Variants in ZFPL1 observed in about 807,000 individuals in gnomAD.
The protein encoded by ZFPL1 is zinc finger protein-like 1.
Under a neutral mutation model 32.0 loss-of-function variants are expected in ZFPL1, and 28 were observed. The observed-to-expected ratio is 0.87, with a 90% CI of 0.65 to 1.20. ZFPL1 has a LOEUF of 1.20. ZFPL1 is among the 50% of genes most tolerant of loss of function. The pLI is 0.00. For synonymous variants in ZFPL1, 165 were observed against 177.0 expected (o/e 0.93, Z 0.54); for missense variants, 386 against 424.8 (o/e 0.91, Z 0.80).
chr11:65,084,500 T>G, intron 1 of ZFPL1, 122 bp downstream of exon 1: 18 of 588,012 alleles, frequency 3.1e-5, no homozygotes, highest in East Asian at 5.9e-5. Flanking sequence ...TCCAGAAGGA[T>G]TGAGGGGTCG....
chr11:65,084,648 C>G, intron 1 of ZFPL1, 43 bp from the exon 2 acceptor site: 1 of 1,560,564 alleles, frequency 6.4e-7, no homozygotes, highest in Non-Finnish European at 8.8e-7. Context: ...GTAGTGGTGG[C>G]CACCAGAACC....
In ZFPL1 at chr11:65,088,377, A is replaced by G. The variant is rs1357548064; in HGVS notation, c.*263A>G. The G allele has an allele frequency of 2.1e-6, 3 of 1,433,986 alleles. No individual in the cohort carries two copies. Among genetic ancestry groups the G allele is most frequent in the Non-Finnish European group, 2.8e-6 (3 of 1,053,902 alleles). 88.8% of individuals were successfully genotyped at this position (1,433,986 alleles called of 1,614,324 possible). ...CCCATGAAGGAGCTGGCAGGTGGAAATAAACAACAACTTTATTAAAACACC... is the reference window on the plus strand; with the variant it reads ...CCCATGAAGGAGCTGGCAGGTGGAAGTAAACAACAACTTTATTAAAACACC... On this transcript the variant is annotated 3_prime_UTR_variant, in exon 8 of 8. Transcript: ENST00000294258.
intron 3 of ZFPL1, 118 bp from the exon 4 acceptor site, chr11:65,086,297 C>A (rs982514814): frequency 1.7e-5 from 22 of 1,324,098 alleles, no homozygotes; most frequent in Non-Finnish European, 2.3e-5. Flanking sequence ...GAGGAGAAGG[C>A]TCTGGCACAC....
At chr11:65,085,413 C>T (rs988183946) in intron 3 of ZFPL1, 187 bp downstream of exon 3, 1 of 611,604 alleles carries the variant, frequency 1.6e-6, no homozygotes. Flanking sequence ...CTAGGCCTCA[C>T]TGTCTTTCCT....
In ZFPL1 at chr11:65,086,792, G is replaced by T. The variant is rs1462216383; in HGVS notation, c.481G>T (p.Ala161Ser). ...SDFSDWSSFNASSTPGPEEVD... is the reference protein window; with the variant it reads ...SDFSDWSSFNSSSTPGPEEVD... ...CTTCTCTGACTGGTCTAGTTTTAAT[G>T]GTAAGTGGTGGCTTCCACCGACTGT... Residue 161 changes from alanine to serine, a missense_variant and splice_region_variant, in exon 5 of 8, where the codon GCC becomes TCC. Physicochemically the swap from Ala to Ser is moderately conservative, Grantham distance 99 (BLOSUM62 1). Transcript: ENST00000294258. 1.2e-6 allele frequency: 2 copies of T among 1,614,054 alleles called. No individual in the cohort carries two copies. The highest frequency in any genetic ancestry group is 2.2e-5 in the East Asian group (1 of 44,906).
Position 65,086,382 on chromosome 11 carries a change from A to G in ZFPL1, c.215-33A>G, listed in dbSNP as rs770758130. ...AGGAGCCCTAAGTGTCTTCTTCCTC[A>G]TGTCTCTTCTCCCCTGTCTCATGGG... is the stretch of plus-strand genomic sequence containing the variant. On this transcript the variant is annotated intron_variant, in intron 3 of 7. Transcript: ENST00000294258. 5 of 1,613,510 alleles carry G rather than the reference A, an allele frequency of 3.1e-6. 1 individual carries two copies. In the South Asian group the frequency reaches 3.3e-5, roughly 11 times the overall value.
chr11:65,085,978 T>TCGG, intron 3 of ZFPL1: 1 of 242,134 alleles, frequency 4.1e-6, no homozygotes, highest in Non-Finnish European at 8.2e-6. Flanking sequence ...AGTGTAGATA[T>TCGG]AGGGAATGCC....
chr11:65,085,609 G>C, intron 3 of ZFPL1: 2 of 274,348 alleles, frequency 7.3e-6, no homozygotes, highest in South Asian at 8.0e-5. Flanking sequence ...GAGGAAGTGA[G>C]TTTCCCACAT....
Position 65,088,262 on chromosome 11 carries a change from A to C in ZFPL1, c.*148A>C. Reference sequence around the variant, plus strand: ...CCAGACCCAAAGCCAAGTCCACCAGAGTGGCTGCAGGCCAGGCCTGGAGTC... The same window carrying C: ...CCAGACCCAAAGCCAAGTCCACCAGCGTGGCTGCAGGCCAGGCCTGGAGTC... On this transcript the variant is annotated 3_prime_UTR_variant, in exon 8 of 8. Transcript: ENST00000294258. 1 of 1,163,408 alleles carries C rather than the reference A, an allele frequency of 8.6e-7. No homozygotes were observed. Among genetic ancestry groups the C allele is most frequent in the Non-Finnish European group, 1.2e-6 (1 of 826,324 alleles). The allele number at this position is 1,163,408 out of a possible 1,614,324, so 72.1% of individuals were successfully genotyped here.
chr11:65,088,226 A>G lies in ZFPL1; in HGVS notation c.*112A>G. 1 of 1,372,666 alleles carries G rather than the reference A, an allele frequency of 7.3e-7. No homozygotes were observed. Among genetic ancestry groups the G allele is most frequent in the South Asian group, 1.2e-5 (1 of 80,116 alleles). The allele number at this position is 1,372,666 out of a possible 1,614,324, so 85.0% of individuals were successfully genotyped here. A position where few individuals can be genotyped will look rare whatever the true frequency, so the allele number is the denominator to read the frequency against. Reference sequence around the variant, plus strand: ...ACTGCCCCTCTCCCTCAAGCCTAAGACACTAAGACCCCAGACCCAAAGCCA... The same window carrying G: ...ACTGCCCCTCTCCCTCAAGCCTAAGGCACTAAGACCCCAGACCCAAAGCCA... On this transcript the variant is annotated 3_prime_UTR_variant, in exon 8 of 8. Transcript: ENST00000294258.
intron 3 of ZFPL1, 101 bp from the exon 4 acceptor site, chr11:65,086,314 G>A: frequency 7.0e-7 from 1 of 1,433,792 alleles, no homozygotes; most frequent in Non-Finnish European, 9.7e-7. Context: ...ACACACACAT[G>A]TGTCCATATG....
rs1947686878 is a variant in ZFPL1, at chr11:65,087,052, C to T, written c.606C>T (p.Gly202=). Residue 202 remains glycine, a synonymous_variant, in exon 6 of 8, where the codon GGC becomes GGT. Coordinates refer to ENST00000294258, the MANE Select transcript of ZFPL1 (RefSeq NM_006782.4). ...AGCAGCACACAGTGATCCACATGGG[C>T]AATCCTGAGCCCTTGACTCACGGTG... ...RPEQHTVIHM[G]NPEPLTHAPR... 16 of 1,613,524 alleles carry T rather than the reference C, an allele frequency of 9.9e-6. No homozygotes were observed. The East Asian group carries it at 3.3e-4, about 34-fold the overall frequency.
In ZFPL1 at chr11:65,088,280, C is replaced by A; in HGVS notation, c.*166C>A. On this transcript the variant is annotated 3_prime_UTR_variant, in exon 8 of 8. Coordinates refer to ENST00000294258, the MANE Select transcript of ZFPL1 (RefSeq NM_006782.4). ...CCACCAGAGTGGCTGCAGGCCAGGC[C>A]TGGAGTCCCCGTGGGTCAAGCATTT... 1 of 1,107,734 alleles carries A rather than the reference C, an allele frequency of 9.0e-7. No homozygotes were observed. The highest frequency in any genetic ancestry group is 1.3e-6 in the Non-Finnish European group (1 of 772,448). The allele number at this position is 1,107,734 out of a possible 1,614,324, so 68.6% of individuals were successfully genotyped here. A position where few individuals can be genotyped will look rare whatever the true frequency, so the allele number is the denominator to read the frequency against.
chr11:65,085,029 T>C, intron 2 of ZFPL1, 86 bp from the exon 3 acceptor site: 1 of 1,328,726 alleles, frequency 7.5e-7, no homozygotes, highest in East Asian at 2.3e-5. Context: ...GTCTCCTCTG[T>C]GGCTAGAGAA....
intron 1 of ZFPL1, 35 bp from the exon 2 acceptor site, chr11:65,084,656 A>C: frequency 6.3e-7 from 1 of 1,598,164 alleles, no homozygotes; most frequent in Non-Finnish European, 8.6e-7. Context: ...GGCCACCAGA[A>C]CCTGACTTCC....
chr11:65,086,152 T>G (rs973182694), intron 3 of ZFPL1: 6 of 563,378 alleles, frequency 1.1e-5, no homozygotes, highest in Non-Finnish European at 1.9e-5. Flanking sequence ...AGAGGACTCA[T>G]TGAAAGGACT....
intron 6 of ZFPL1, 118 bp downstream of exon 6, chr11:65,087,192 A>G: frequency 6.5e-7 from 1 of 1,549,480 alleles, no homozygotes; most frequent in Non-Finnish European, 8.8e-7. Context: ...ATCCAGGCAC[A>G]GCCATTACCT....
At position 65,084,807 on chromosome 11, in the gene ZFPL1, C is replaced by T; in HGVS notation, c.102+7C>T. 1 of 1,614,010 alleles carries T rather than the reference C, an allele frequency of 6.2e-7. No homozygotes were observed. On this transcript the variant is annotated splice_region_variant and intron_variant, in intron 2 of 7. Transcript: ENST00000294258. ...GGTAGCCAATCACGCCAAGGTGGGG[C>T]CTTCAGGGGAGCGACTGAGCAGGGC... is the stretch of plus-strand genomic sequence containing the variant.
Position 65,084,239 on chromosome 11 carries a change from G to A in ZFPL1, c.-148G>A, listed in dbSNP as rs912691021. The A allele has an allele frequency of 1.4e-5, 8 of 579,702 alleles. No individual in the cohort carries two copies. The highest frequency in any genetic ancestry group is 2.1e-5 in the Non-Finnish European group (7 of 327,452). The allele number at this position is 579,702 out of a possible 1,614,324, so 35.9% of individuals were successfully genotyped here. A position where few individuals can be genotyped will look rare whatever the true frequency, so the allele number is the denominator to read the frequency against. On this transcript the variant is annotated 5_prime_UTR_variant, in exon 1 of 8. Coordinates refer to ENST00000294258, the MANE Select transcript of ZFPL1 (RefSeq NM_006782.4). ...CACCCGGAAGAGACGTGGCAGCGGA[G>A]GGATAATCGGGGCGGCCGGGGCTGA...
Sources: gnomAD v4.1 joint callset for allele counts on GRCh38, gnomAD v4.1.1 for gene constraint, MANE v1.5 for transcripts, NCBI Gene and HGNC (gene_info 2026-07-23, HGNC 2026-07-21) for gene names.